ARB2A: variants seen among roughly 807,000 people sequenced by gnomAD.
The protein encoded by ARB2A is ARB2 cotranscriptional regulator A.
the ARB2A span, chr5:93,735,455 C>T: frequency 1.3e-5 from 2 of 152,266 alleles, no homozygotes; most frequent in Non-Finnish European, 2.9e-5. Flanking sequence ...ATCACAATTT[C>T]TCCACATCTG....
chr5:94,003,218 G>A, the ARB2A span, among the ~76,000 whole-genome samples: 1 of 152,060 alleles, frequency 6.6e-6, no homozygotes, highest in African/African-American at 2.4e-5. Context: ...CAATTTGATA[G>A]AGTATCAACA....
At chr5:93,900,015 G>A in the ARB2A span, among the ~76,000 whole-genome samples, 2 of 152,054 alleles carry the variant, frequency 1.3e-5, no homozygotes, top group Non-Finnish European at 1.5e-5. Context: ...TTACTTCAAT[G>A]AATGCTAGGT....
chr5:93,886,194 A>C, the ARB2A span, among the ~76,000 whole-genome samples: 6 of 151,732 alleles, frequency 4.0e-5, no homozygotes, highest in Non-Finnish European at 5.9e-5. Context: ...CAAATTCTAC[A>C]TCTTTTCAAC....
At chr5:94,006,583 G>GACTATC in the ARB2A span, among the ~76,000 whole-genome samples, 1 of 152,138 alleles carries the variant, frequency 6.6e-6, no homozygotes, top group African/African-American at 2.4e-5. Flanking sequence ...GCACTTGTAT[G>GACTATC]ACTATCTCAA....
At chr5:93,646,435 T>TGC in the ARB2A span, among the ~76,000 whole-genome samples, 1 of 14,154 alleles carries the variant, frequency 7.1e-5, no homozygotes, top group Admixed American at 7.2e-4. Flanking sequence ...TTAATTACAC[T>TGC]TACATATGGT....
At chr5:93,689,256 G>A in the ARB2A span, among the ~76,000 whole-genome samples, 1 of 152,134 alleles carries the variant, frequency 6.6e-6, no homozygotes, top group African/African-American at 2.4e-5. Flanking sequence ...TCACTGACCT[G>A]GAATGGCTAA....
At chr5:93,812,828 C>T in the ARB2A span, among the ~76,000 whole-genome samples, 1 of 152,098 alleles carries the variant, frequency 6.6e-6, no homozygotes, top group East Asian at 1.9e-4. Flanking sequence ...CTTTAACAAG[C>T]TTCTTCATGA....
At chr5:93,622,721 AT>A in the ARB2A span, among the ~76,000 whole-genome samples, 13 of 152,268 alleles carry the variant, frequency 8.5e-5, no homozygotes, top group East Asian at 2.5e-3. Context: ...AAATGAGGTC[AT>A]TTTATTTGCT....
chr5:94,020,098 T>G, the ARB2A span, among the ~76,000 whole-genome samples: 7 of 152,064 alleles, frequency 4.6e-5, no homozygotes, highest in Non-Finnish European at 1.0e-4. Context: ...AAAGGATGAG[T>G]TCATGTCCTT....
At chr5:93,660,935 A>C in the ARB2A span, among the ~76,000 whole-genome samples, 1 of 152,178 alleles carries the variant, frequency 6.6e-6, no homozygotes, top group African/African-American at 2.4e-5. Context: ...CAGTGTCAGA[A>C]GTGGAAATGT....
chr5:93,691,544 G>A, the ARB2A span, among the ~76,000 whole-genome samples: 1,065 of 152,058 alleles, frequency 7.0e-3, 11 homozygotes, highest in African/African-American at 0.025. Flanking sequence ...GACCAAACCT[G>A]CGTTTGACTG....
chr5:93,798,448 C>T, the ARB2A span, among the ~76,000 whole-genome samples: 115 of 152,108 alleles, frequency 7.6e-4, 3 homozygotes, highest in South Asian at 0.02. Context: ...GACTCTACTG[C>T]CTTAAGATTT....
At chr5:94,046,156 T>A in the ARB2A span, among the ~76,000 whole-genome samples, 1 of 152,304 alleles carries the variant, frequency 6.6e-6, no homozygotes, top group South Asian at 2.1e-4. Flanking sequence ...GACTCAGAAA[T>A]GGAAATTATG....
the ARB2A span, among the ~76,000 whole-genome samples, chr5:93,773,318 G>A: frequency 1.2e-3 from 183 of 152,300 alleles, no homozygotes; most frequent in African/African-American, 4.2e-3. Context: ...CTGGATGGGA[G>A]CACTATACTG....
chr5:93,958,879 A>G, the ARB2A span: 5 of 1,609,646 alleles, frequency 3.1e-6, no homozygotes, highest in African/African-American at 4.0e-5. Context: ...CACCACTACC[A>G]TGAATTAAAA....
the ARB2A span, chr5:93,865,362 G>T: frequency 4.1e-6 from 4 of 984,080 alleles, no homozygotes; most frequent in Non-Finnish European, 4.8e-6. Context: ...ATTACAGCAT[G>T]AGCCACCGCG....
the ARB2A span, among the ~76,000 whole-genome samples, chr5:93,708,266 G>T: frequency 6.6e-6 from 1 of 152,120 alleles, no homozygotes; most frequent in Non-Finnish European, 1.5e-5. Flanking sequence ...TAATTATCTT[G>T]ACTTTTCTGT....
At chr5:94,077,220 A>C in the ARB2A span, among the ~76,000 whole-genome samples, 8 of 152,120 alleles carry the variant, frequency 5.3e-5, no homozygotes, top group African/African-American at 1.9e-4. Flanking sequence ...TAAAAACACA[A>C]AAATCAGCCG....
At chr5:93,687,717 T>C in the ARB2A span, among the ~76,000 whole-genome samples, 1 of 152,216 alleles carries the variant, frequency 6.6e-6, no homozygotes, top group Non-Finnish European at 1.5e-5. Context: ...CTGTGCACAC[T>C]GCTATTAATA....
Sources: gnomAD v4.1 joint callset for allele counts (sites outside exome capture counted in the v4.1 genomes callset) on GRCh38, gnomAD v4.1.1 for gene constraint, MANE v1.5 for transcripts, NCBI Gene and HGNC (gene_info 2026-07-23, HGNC 2026-07-21) for gene names.